RAPGEF6: variants seen among roughly 807,000 people sequenced by gnomAD.
The protein encoded by RAPGEF6 is Rap guanine nucleotide exchange factor 6, also known as PDZ domain containing guanine nucleotide exchange factor (GEF) 2.
Under a neutral mutation model 171.4 loss-of-function variants are expected in RAPGEF6, and 56 were observed. The ratio of observed to expected loss-of-function variants is 0.33; its 90% CI spans 0.26 to 0.41. The LOEUF (loss-of-function observed/expected upper bound fraction) is 0.41, where lower values mean the gene tolerates loss of function less well. RAPGEF6 is among the 10% of genes least tolerant of loss of function. The probability of loss-of-function intolerance (pLI) is 1.00; values close to 1 mark genes in which losing one functional copy is unlikely to be tolerated. For synonymous variants in RAPGEF6, 692 were observed against 650.1 expected (o/e 1.06, Z -0.98); for missense variants, 1,674 against 1,921.4 (o/e 0.87, Z 2.41).
At chr5:131,482,396 G>A (rs1038407006) in intron 15 of RAPGEF6, among the ~76,000 whole-genome samples, 1 of 152,056 alleles carries the variant, frequency 6.6e-6, no homozygotes, top group Non-Finnish European at 1.5e-5. Context: ...TTGACTTTAT[G>A]GGCTCATCTG....
rs1000812454 is a variant in RAPGEF6, at chr5:131,425,341, G to T, written c.*1925C>A. 1.3e-5 allele frequency: 2 copies of T among 152,320 alleles called. No homozygotes were observed. Among genetic ancestry groups the T allele is most frequent in the Admixed American group, 1.3e-4 (2 of 15,280 alleles). 9.4% of individuals were successfully genotyped at this position (152,320 alleles called of 1,614,324 possible). A position where few individuals can be genotyped will look rare whatever the true frequency, so the allele number is the denominator to read the frequency against. On this transcript the variant is annotated 3_prime_UTR_variant, in exon 28 of 28. Transcript: ENST00000509018. ...GACATCTGAATTTGATAAAAAAAGT[G>T]GGTATAGCAAAAATATATTTCACAT... is the stretch of plus-strand genomic sequence containing the variant.
intron 1 of RAPGEF6, among the ~76,000 whole-genome samples, chr5:131,628,958 G>A (rs187834659): frequency 2.0e-5 from 3 of 152,268 alleles, no homozygotes; most frequent in African/African-American, 7.2e-5. Flanking sequence ...TGTCACTCAA[G>A]AGCTCAGATG....
intron 14 of RAPGEF6, among the ~76,000 whole-genome samples, chr5:131,491,859 G>T (rs1434234961): frequency 1.3e-5 from 2 of 152,154 alleles, no homozygotes; most frequent in Non-Finnish European, 2.9e-5. Flanking sequence ...TGCCAAAAAG[G>T]TTGGGGACCA....
rs768195954 is a variant in RAPGEF6 at position 131,479,693 on chromosome 5, T to G, written c.1901A>C (p.Lys634Thr). The G allele has an allele frequency of 1.9e-5, 31 of 1,613,894 alleles. No homozygotes were observed. In the Admixed American group the frequency reaches 5.2e-4, roughly 27 times the overall value. The change falls in exon 16 of 28, where the codon AAA becomes ACA. Residue 634 changes from lysine (K) to threonine (T), a missense_variant. Around this residue, in one of 3 missense-constraint regions of RAPGEF6, gnomAD observed 1,116 missense variants for 1,321.5 expected, o/e 0.84. Coordinates refer to ENST00000509018, the MANE Select transcript of RAPGEF6 (RefSeq NM_016340.6). Reference sequence around the variant, plus strand: ...GCGATTACTTTTTTTTTCAGCAATTTTGGGAATATGAGGAACACCAGATTT... The same window carrying G: ...GCGATTACTTTTTTTTTCAGCAATTGTGGGAATATGAGGAACACCAGATTT... ...QEKSGVPHIP[K>T]IAEKKSNRHS...
chr5:131,602,734 C>T (rs1272563136), intron 3 of RAPGEF6, among the ~76,000 whole-genome samples: 2 of 152,172 alleles, frequency 1.3e-5, no homozygotes, highest in African/African-American at 4.8e-5. Flanking sequence ...GCACTCCAGC[C>T]TGGGCGACAA....
chr5:131,623,602 C>T (rs999589866), intron 1 of RAPGEF6, among the ~76,000 whole-genome samples: 4 of 151,168 alleles, frequency 2.6e-5, no homozygotes, highest in East Asian at 2.0e-4. Flanking sequence ...TCTTCTGCCT[C>T]GGCCTCCCAA....
At chr5:131,621,781 T>C (rs1257254153) in intron 1 of RAPGEF6, among the ~76,000 whole-genome samples, 1 of 152,114 alleles carries the variant, frequency 6.6e-6, no homozygotes, top group African/African-American at 2.4e-5. Context: ...AATCCACAAA[T>C]GCAAAACTCA....
At chr5:131,567,065 G>T (rs1172076970) in intron 4 of RAPGEF6, among the ~76,000 whole-genome samples, 1 of 147,324 alleles carries the variant, frequency 6.8e-6, no homozygotes, top group Non-Finnish European at 1.5e-5. Context: ...TTGCACTCCA[G>T]CCTGGGCGAC....
At chr5:131,435,079 TTC>T (rs1165364866) in intron 24 of RAPGEF6, among the ~76,000 whole-genome samples, 5 of 152,214 alleles carry the variant, frequency 3.3e-5, no homozygotes, top group African/African-American at 9.6e-5. Context: ...TTCCAAGTCT[TTC>T]TCTGTTTATG....
chr5:131,509,537 C>A (rs541142145), intron 8 of RAPGEF6, among the ~76,000 whole-genome samples: 2 of 144,444 alleles, frequency 1.4e-5, no homozygotes, highest in Non-Finnish European at 3.0e-5. Context: ...AGTGAGACAC[C>A]GTCTCAAAAA....
Position 131,508,080 on chromosome 5 carries a change from A to T in RAPGEF6, c.933T>A (p.Asp311Glu), listed in dbSNP as rs1347232981. 1 of 1,602,868 alleles carries T rather than the reference A, an allele frequency of 6.2e-7. No homozygotes were observed. The highest frequency in any genetic ancestry group is 8.5e-7 in the Non-Finnish European group (1 of 1,174,876). The change falls in exon 9 of 28, where the codon GAT becomes GAA. Residue 311 changes from aspartate to glutamate, a missense_variant. By Grantham distance (45) the Asp-to-Glu change is conservative. Around this residue, in one of 3 missense-constraint regions of RAPGEF6, gnomAD observed 1,116 missense variants for 1,321.5 expected, o/e 0.84. Coordinates refer to ENST00000509018, the MANE Select transcript of RAPGEF6 (RefSeq NM_016340.6). ...VEQAGAIILE[D>E]GQELDSWYVI... ...TTATTTATTGACCTACCTCTTGCCC[A>T]TCTTCAAGAATAATAGCTCCAGCCT...
chr5:131,471,142 C>A (rs1754708772), intron 17 of RAPGEF6, among the ~76,000 whole-genome samples: 1 of 152,164 alleles, frequency 6.6e-6, no homozygotes, highest in Admixed American at 6.5e-5. Context: ...ACTGGAGTGT[C>A]TTCTGTCTCA....
chr5:131,498,684 G>T (rs917269191), intron 11 of RAPGEF6, 77 bp from the exon 12 acceptor site: 3 of 1,286,670 alleles, frequency 2.3e-6, no homozygotes, highest in African/African-American at 3.0e-5. Context: ...TGATTACTCC[G>T]CTTTGTAGCT....
chr5:131,528,338 T>TACACACAC (rs372339216), intron 6 of RAPGEF6, among the ~76,000 whole-genome samples: 2 of 26,290 alleles, frequency 7.6e-5, no homozygotes, highest in African/African-American at 1.2e-4. Context: ...TATATATATA[T>TACACACAC]ACACACACAC....
intron 21 of RAPGEF6, chr5:131,450,110 A>G (rs1435876899): frequency 6.9e-7 from 1 of 1,456,082 alleles, no homozygotes; most frequent in African/African-American, 1.4e-5. Context: ...AAAAAAGACA[A>G]CAGTTGAGAG....
chr5:131,435,984 C>A (rs187139346), intron 24 of RAPGEF6: 1 of 1,535,602 alleles, frequency 6.5e-7, no homozygotes, highest in Admixed American at 2.0e-5. Context: ...ACTTGAATCG[C>A]GTATAGAAGC....
At chr5:131,438,995 T>C (rs1752209085) in intron 24 of RAPGEF6, among the ~76,000 whole-genome samples, 1 of 152,162 alleles carries the variant, frequency 6.6e-6, no homozygotes, top group Non-Finnish European at 1.5e-5. Flanking sequence ...TGATCACAGC[T>C]CACTGCAACC....
In RAPGEF6 at chr5:131,428,991, G is replaced by A. The variant is rs1413086515; in HGVS notation, c.4691C>T (p.Ser1564Leu). 1.2e-6 allele frequency: 2 copies of A among 1,614,170 alleles called. No individual in the cohort carries two copies. Among genetic ancestry groups the A allele is most frequent in the African/African-American group, 1.3e-5 (1 of 75,046 alleles). Residue 1564 changes from serine to leucine, a missense_variant, in exon 27 of 28, where the codon TCG (serine) becomes TTG (leucine). Ser to Leu is a moderately radical substitution (Grantham distance 145). This residue lies in a region of RAPGEF6 where 552 missense variants were observed against 574.2 expected (regional missense o/e 0.96). Coordinates refer to ENST00000509018, the MANE Select transcript of RAPGEF6 (RefSeq NM_016340.6). ...CCTCTGAGGCTGAGTTACAATCTTC[G>A]ATGGAACACAGGCCACGAGGTTGCT... ...LSSNLVACVP[S>L]KIVTQPQRHN...
intron 4 of RAPGEF6, among the ~76,000 whole-genome samples, chr5:131,563,864 C>T (rs1407699766): frequency 2.0e-5 from 3 of 152,074 alleles, no homozygotes; most frequent in African/African-American, 2.4e-5. Flanking sequence ...ATTCTTGTAT[C>T]ACCTAATACA....
Sources: allele counts gnomAD v4.1 joint callset (sites outside exome capture counted in the v4.1 genomes callset), GRCh38; gene constraint gnomAD v4.1.1; regional missense constraint gnomAD v4.1.1; transcripts MANE v1.5; gene names NCBI Gene and HGNC (gene_info 2026-07-23, HGNC 2026-07-21).